MCTP2: variants seen among roughly 807,000 people sequenced by gnomAD.
The protein encoded by MCTP2 is multiple C2 and transmembrane domain containing 2, also known as multiple C2 and transmembrane domain-containing protein 2.
Under a neutral mutation model 111.6 loss-of-function variants are expected in MCTP2, and 132 were observed. The ratio of observed to expected loss-of-function variants is 1.18; its 90% CI spans 1.03 to 1.37. The LOEUF is 1.37. Ranked by LOEUF, MCTP2 falls within the 40% of genes most tolerant of loss-of-function variation. The pLI is 0.00. For missense variants in MCTP2, 1,183 were observed against 1,067.9 expected, an observed-to-expected ratio of 1.11 and a Z score of -1.50; for synonymous variants, 395 against 387.7, an observed-to-expected ratio of 1.02 and a Z score of -0.22.
intron 11 of MCTP2, 126 bp from the exon 12 acceptor site, chr15:94,369,961 A>AT (rs35497644): frequency 0.2 from 101,711 of 520,354 alleles, 9,922 homozygotes; most frequent in Admixed American, 0.26. Flanking sequence ...ATTTTTGGGG[A>AT]TTTTTTTTTA....
intron 19 of MCTP2, among the ~76,000 whole-genome samples, chr15:94,452,758 C>T (rs530940332): frequency 6.6e-6 from 1 of 152,296 alleles, no homozygotes; most frequent in African/African-American, 2.4e-5. Context: ...AAAATATAAT[C>T]TTCTTGTAGC....
In MCTP2 at chr15:94,243,081, ACACATATACGT is replaced by A. The variant is rs1168397351; in HGVS notation, c.-66+11418_-66+11428del. On this transcript the variant is annotated intron_variant, in intron 1 of 22. Coordinates refer to ENST00000357742, the MANE Select transcript of MCTP2 (RefSeq NM_001385001.1). ...CACATACACGTGTATATGTGTATCT[ACACATATACGT>A]GTATATGTGTATCTACGGGTGTGTA... Among the ~76,000 whole-genome samples, 12 of 92,736 alleles carry A rather than the reference ACACATATACGT, an allele frequency of 1.3e-4. 4 individuals carry two copies. The highest frequency in any genetic ancestry group is 5.1e-4 in the African/African-American group (12 of 23,704). The allele number at this position is 92,736 out of a possible 152,430, so 60.8% of individuals were successfully genotyped here. A position where few individuals can be genotyped will look rare whatever the true frequency, so the allele number is the denominator to read the frequency against.
At chr15:94,377,245 A>T (rs1044628964) in intron 12 of MCTP2, among the ~76,000 whole-genome samples, 2 of 152,224 alleles carry the variant, frequency 1.3e-5, no homozygotes, top group African/African-American at 4.8e-5. Flanking sequence ...TCTCTTAAAG[A>T]TGCCCTATTT....
chr15:94,466,511 CATGATTT>C (rs2073323245), intron 20 of MCTP2, among the ~76,000 whole-genome samples: 1 of 152,124 alleles, frequency 6.6e-6, no homozygotes, highest in African/African-American at 2.4e-5. Flanking sequence ...GCACCGAGGG[CATGATTT>C]ATGTCCACTC....
chr15:94,459,066 C>A (rs2085024162), intron 20 of MCTP2, among the ~76,000 whole-genome samples: 1 of 152,158 alleles, frequency 6.6e-6, no homozygotes, highest in South Asian at 2.1e-4. Context: ...ATCAACTCTG[C>A]ATTACTTAGT....
At chr15:94,254,262 A>G (rs980959554) in intron 1 of MCTP2, among the ~76,000 whole-genome samples, 1 of 152,132 alleles carries the variant, frequency 6.6e-6, no homozygotes, top group East Asian at 1.9e-4. Flanking sequence ...TTAAATTCTT[A>G]TTTTAGAATG....
intron 1 of MCTP2, among the ~76,000 whole-genome samples, chr15:94,273,212 G>A (rs1457607519): frequency 6.6e-6 from 1 of 152,138 alleles, no homozygotes; most frequent in Non-Finnish European, 1.5e-5. Context: ...AAAGCACATA[G>A]ATCTAAACAA....
At chr15:94,361,084 G>GTTTTTTT (rs67774490) in intron 10 of MCTP2, among the ~76,000 whole-genome samples, 3 of 8,416 alleles carry the variant, frequency 3.6e-4, no homozygotes, top group African/African-American at 6.2e-4. Flanking sequence ...AATATTTCAA[G>GTTTTTTT]TTTTTTTTTT....
chr15:94,423,770 T>G (rs948099617), intron 17 of MCTP2, among the ~76,000 whole-genome samples: 75 of 152,202 alleles, frequency 4.9e-4, no homozygotes, highest in Non-Finnish European at 1.6e-4. Context: ...CCTAGGCCAG[T>G]GCAGAATCAC....
At chr15:94,268,515 T>G (rs1312582513) in intron 1 of MCTP2, among the ~76,000 whole-genome samples, 1 of 152,098 alleles carries the variant, frequency 6.6e-6, no homozygotes, top group Non-Finnish European at 1.5e-5. Context: ...TCTTTTTCAA[T>G]CTTTATTTTG....
chr15:94,464,257 T>TATATATTATATATATATATATTATA (rs4001978), intron 20 of MCTP2, among the ~76,000 whole-genome samples: 2 of 44,968 alleles, frequency 4.4e-5, no homozygotes, highest in African/African-American at 1.2e-4. Flanking sequence ...TATATATATA[T>TATATATTATATATATATATATTATA]TATATATATA....
chr15:94,305,339 G>A (rs2075828439), intron 2 of MCTP2, among the ~76,000 whole-genome samples: 1 of 152,174 alleles, frequency 6.6e-6, no homozygotes, highest in Non-Finnish European at 1.5e-5. Context: ...AGTCGCCTGA[G>A]CTGACTAACT....
chr15:94,467,530 T>TTGGGGGTTGTG (rs2073483151), intron 20 of MCTP2, among the ~76,000 whole-genome samples: 1 of 152,112 alleles, frequency 6.6e-6, no homozygotes, highest in Non-Finnish European at 1.5e-5. Flanking sequence ...CGGGTTGGGG[T>TTGGGGGTTGTG]TGGGGGTTGT....
At chr15:94,328,651 AG>A (rs1300182963) in intron 4 of MCTP2, among the ~76,000 whole-genome samples, 1 of 152,200 alleles carries the variant, frequency 6.6e-6, no homozygotes, top group Non-Finnish European at 1.5e-5. Flanking sequence ...AGTTTGAGGC[AG>A]GGAGTGTGGC....
chr15:94,294,757 G>A (rs565043211), intron 1 of MCTP2, among the ~76,000 whole-genome samples: 149 of 152,156 alleles, frequency 9.8e-4, no homozygotes, highest in African/African-American at 3.4e-3. Context: ...TCCCTCAAAG[G>A]GGAATGTAAG....
intron 2 of MCTP2, among the ~76,000 whole-genome samples, chr15:94,306,772 A>C (rs1330753750): frequency 6.6e-6 from 1 of 152,194 alleles, no homozygotes; most frequent in African/African-American, 2.4e-5. Flanking sequence ...TAGCTTTGGC[A>C]TGCACTTACG....
intron 15 of MCTP2, among the ~76,000 whole-genome samples, chr15:94,399,349 T>C (rs2081440105): frequency 6.6e-6 from 1 of 152,170 alleles, no homozygotes; most frequent in East Asian, 1.9e-4. Context: ...ATTTTACAGT[T>C]CGTGTGATGT....
chr15:94,391,005 C>T (rs1179568556), intron 14 of MCTP2, among the ~76,000 whole-genome samples: 1 of 152,168 alleles, frequency 6.6e-6, no homozygotes, highest in Admixed American at 6.5e-5. Context: ...GCTGGGATTA[C>T]AGGCGTGAGC....
intron 1 of MCTP2, among the ~76,000 whole-genome samples, chr15:94,233,467 C>T (rs571739369): frequency 6.6e-6 from 1 of 152,242 alleles, no homozygotes; most frequent in Non-Finnish European, 1.5e-5. Context: ...ATGGTCTCCT[C>T]CTGCAGAGGT....
Sources: gnomAD v4.1 joint callset for allele counts (sites outside exome capture counted in the v4.1 genomes callset) on GRCh38, gnomAD v4.1.1 for gene constraint, MANE v1.5 for transcripts, NCBI Gene and HGNC (gene_info 2026-07-23, HGNC 2026-07-21) for gene names.